Variants in PADI3 observed in about 807,000 individuals in gnomAD.
PADI3 encodes the protein peptidyl arginine deiminase 3.
A neutral mutation model predicts 71.5 loss-of-function variants in PADI3; 53 were observed. That is an observed-to-expected ratio of 0.74 (90% CI 0.59 to 0.93). The LOEUF is 0.93. Among genes scored for constraint, PADI3 ranks in the 40% least tolerant of loss-of-function variants. The probability of loss-of-function intolerance (pLI) is 0.00; values close to 1 mark genes in which losing one functional copy is unlikely to be tolerated. For missense variants in PADI3, 821 were observed against 868.0 expected (o/e 0.95, Z 0.68); for synonymous variants, 361 against 347.5 (o/e 1.04, Z -0.43).
chr1:17,249,293 T>A, intron 1 of PADI3, 64 bp downstream of exon 1: 3 of 1,363,424 alleles, frequency 2.2e-6, no homozygotes, highest in Non-Finnish European at 3.2e-6. Context: ...CCTTCCTCCC[T>A]GCAGGCTGGG....
At chr1:17,269,429 T>A (rs940344160) in intron 6 of PADI3, among the ~76,000 whole-genome samples, 5 of 152,182 alleles carry the variant, frequency 3.3e-5, no homozygotes, top group African/African-American at 9.7e-5. Flanking sequence ...TTGCAGTGTT[T>A]TGATTTTATA....
intron 3 of PADI3, among the ~76,000 whole-genome samples, chr1:17,264,851 A>G (rs2100573509): frequency 6.6e-6 from 1 of 152,084 alleles, no homozygotes; most frequent in South Asian, 2.1e-4. Flanking sequence ...CCTCTATGAA[A>G]GATACAAAAA....
intron 13 of PADI3, among the ~76,000 whole-genome samples, chr1:17,278,628 G>T (rs1325773893): frequency 6.6e-6 from 1 of 152,090 alleles, no homozygotes; most frequent in Non-Finnish European, 1.5e-5. Flanking sequence ...CTTGCTGGAA[G>T]CGTTCTCAAA....
intron 4 of PADI3, among the ~76,000 whole-genome samples, chr1:17,266,280 A>G (rs1488919483): frequency 6.6e-6 from 1 of 152,160 alleles, no homozygotes; most frequent in Non-Finnish European, 1.5e-5. Context: ...CCTGGGAGTT[A>G]AGAGGAGAAG....
Position 17,270,423 on chromosome 1 carries a change from G to A in PADI3, c.831+12G>A, listed in dbSNP as rs757633135. ...ACGACTCCAACGAGGTAGGGACAGA[G>A]GGGGTTCAAGAGGAGCTCCACTCGG... On this transcript the variant is annotated intron_variant, in intron 7 of 15. Transcript: ENST00000375460. 8 of 1,607,690 alleles carry A rather than the reference G, an allele frequency of 5.0e-6. No homozygotes were observed. The highest frequency in any genetic ancestry group is 5.9e-6 in the Non-Finnish European group (7 of 1,177,050).
At chr1:17,261,334 C>G (rs989778221) in intron 2 of PADI3, among the ~76,000 whole-genome samples, 1 of 152,188 alleles carries the variant, frequency 6.6e-6, no homozygotes, top group Non-Finnish European at 1.5e-5. Flanking sequence ...CTGCATGTGC[C>G]CCATACATGA....
intron 1 of PADI3, among the ~76,000 whole-genome samples, chr1:17,254,469 G>C (rs2073003783): frequency 1.3e-5 from 2 of 152,224 alleles, no homozygotes; most frequent in South Asian, 4.1e-4. Context: ...AGTGGGGACA[G>C]AGCTGGCCAT....
intron 11 of PADI3, among the ~76,000 whole-genome samples, chr1:17,275,052 A>G (rs1400398172): frequency 2.0e-5 from 3 of 152,168 alleles, no homozygotes; most frequent in Admixed American, 6.5e-5. Context: ...CAGAGAGGGT[A>G]AGTGAGTCAC....
At chr1:17,277,519 G>A (rs963411389) in intron 13 of PADI3, among the ~76,000 whole-genome samples, 2 of 152,168 alleles carry the variant, frequency 1.3e-5, no homozygotes, top group African/African-American at 4.8e-5. Flanking sequence ...ATTCTGTTTT[G>A]TGAGGTCTGA....
intron 1 of PADI3, among the ~76,000 whole-genome samples, chr1:17,250,838 G>A (rs977742259): frequency 6.6e-6 from 1 of 152,206 alleles, no homozygotes; most frequent in Non-Finnish European, 1.5e-5. Flanking sequence ...GGAAGCCTGG[G>A]CCTGGCTCCT....
intron 1 of PADI3, 30 bp from the exon 2 acceptor site, chr1:17,259,548 G>A (rs372937399): frequency 5.2e-6 from 8 of 1,542,026 alleles, no homozygotes; most frequent in African/African-American, 1.4e-5. Flanking sequence ...ATCTCCTTCG[G>A]CACCGACCAT....
At chr1:17,271,382 C>T (rs1182727185) in intron 9 of PADI3, among the ~76,000 whole-genome samples, 2 of 152,192 alleles carry the variant, frequency 1.3e-5, no homozygotes, top group Non-Finnish European at 2.9e-5. Context: ...CATTCACCCA[C>T]CGGATCTGGG....
rs553054803 is a variant in PADI3 at position 17,270,409 on chromosome 1, G to A, written c.829G>A (p.Glu277Lys). 1.6e-5 allele frequency: 25 copies of A among 1,612,374 alleles called. No homozygotes were observed. In the East Asian group the frequency reaches 2.2e-4, roughly 14 times the overall value. Reference protein sequence around the residue: ...FHVTLLDDSNEDFSASPIFTD... With the variant: ...FHVTLLDDSNKDFSASPIFTD... Reference sequence around the variant, plus strand: ...TGTCACTCTGCTGGACGACTCCAACGAGGTAGGGACAGAGGGGGTTCAAGA... The same window carrying A: ...TGTCACTCTGCTGGACGACTCCAACAAGGTAGGGACAGAGGGGGTTCAAGA... The change falls in exon 7 of 16, where the codon GAG becomes AAG. Residue 277 changes from glutamate to lysine, a missense_variant and splice_region_variant. Coordinates refer to ENST00000375460, the MANE Select transcript of PADI3 (RefSeq NM_016233.2).
rs2073227772 is a variant in PADI3, at chr1:17,270,270, G to A, written c.690G>A (p.Leu230=). The change falls in exon 7 of 16, where the codon CTG becomes CTA. Residue 230 remains leucine (L), a synonymous_variant. Coordinates refer to ENST00000375460, the MANE Select transcript of PADI3 (RefSeq NM_016233.2). ...TGTGTGAGGCCTATAGGCATGTGCT[G>A]GGCCAAGATAAGGTGTCCTATGAGG... ...EDVCEAYRHV[L]GQDKVSYEVP... The A allele has an allele frequency of 6.2e-7, 1 of 1,613,658 alleles. No homozygotes were observed. The highest frequency in any genetic ancestry group is 1.7e-5 in the Admixed American group (1 of 59,958).
intron 13 of PADI3, among the ~76,000 whole-genome samples, chr1:17,279,985 G>A (rs1013556763): frequency 3.3e-5 from 5 of 152,232 alleles, no homozygotes; most frequent in African/African-American, 1.2e-4. Context: ...CTGATGGTGG[G>A]TGGGTGGGCA....
intron 1 of PADI3, among the ~76,000 whole-genome samples, chr1:17,251,730 C>A (rs1287425156): frequency 6.6e-6 from 1 of 152,180 alleles, no homozygotes; most frequent in Non-Finnish European, 1.5e-5. Context: ...GTGTGCAAAG[C>A]ATGTAACTAA....
chr1:17,274,819 G>T, intron 11 of PADI3, 33 bp downstream of exon 11: 3 of 1,605,242 alleles, frequency 1.9e-6, no homozygotes, highest in Non-Finnish European at 2.6e-6. Context: ...AGTTCCTGGG[G>T]TGGAGGCTGA....
In PADI3 at chr1:17,265,161, C is replaced by A. The variant is rs188814803; in HGVS notation, c.347-498C>A. 5.8e-3 allele frequency among the ~76,000 whole-genome samples: 883 copies of A among 152,154 alleles called. 5 individuals carry two copies. Among genetic ancestry groups the A allele is most frequent in the Non-Finnish European group, 8.9e-3 (606 of 68,016 alleles). On this transcript the variant is annotated intron_variant, in intron 3 of 15. Transcript: ENST00000375460. Reference sequence around the variant, plus strand: ...GAATGCTCCATTTGCATTATGAAATCTCACCCAGTGTCTAGGGCTAAATGT... The same window carrying A: ...GAATGCTCCATTTGCATTATGAAATATCACCCAGTGTCTAGGGCTAAATGT...
chr1:17,269,371 A>G (rs1448584928), intron 6 of PADI3, among the ~76,000 whole-genome samples: 4 of 152,178 alleles, frequency 2.6e-5, no homozygotes, highest in Non-Finnish European at 5.9e-5. Context: ...AATATTCCTA[A>G]GCATAGAGGT....
Sources: allele counts gnomAD v4.1 joint callset (sites outside exome capture counted in the v4.1 genomes callset), GRCh38; gene constraint gnomAD v4.1.1; transcripts MANE v1.5; gene names NCBI Gene and HGNC (gene_info 2026-07-23, HGNC 2026-07-21).